Variants in ABCC1 observed in about 807,000 individuals in gnomAD.
ABCC1 encodes the protein ATP binding cassette subfamily C member 1 (ABCC1 blood group).
A neutral mutation model predicts 172.9 loss-of-function variants in ABCC1; 83 were observed. The observed-to-expected ratio is 0.48, with a 90% CI of 0.40 to 0.58. The LOEUF is 0.58. Ranked by LOEUF, ABCC1 falls within the 20% of genes least tolerant of loss-of-function variation. The pLI is 0.00. For missense variants in ABCC1, 1,817 were observed against 2,002.7 expected (o/e 0.91, Z 1.77); for synonymous variants, 937 against 825.2 (o/e 1.14, Z -2.32).
intron 16 of ABCC1, among the ~76,000 whole-genome samples, chr16:16,081,213 A>G (rs1303242830): frequency 6.6e-6 from 1 of 152,196 alleles, no homozygotes; most frequent in Non-Finnish European, 1.5e-5. Context: ...CCTTTCTTTG[A>G]TTATACAGTG....
intron 5 of ABCC1, among the ~76,000 whole-genome samples, chr16:16,026,497 A>AG (rs1334554257): frequency 5.6e-5 from 6 of 106,666 alleles, no homozygotes; most frequent in Non-Finnish European, 1.1e-4. Context: ...TTGCCAGTGA[A>AG]GGGGGGACCC....
At position 16,071,626 on chromosome 16, in the gene ABCC1, AT is replaced by A. The variant is rs1250301970; in HGVS notation, c.1825-14del. On this transcript the variant is annotated splice_polypyrimidine_tract_variant and intron_variant, in intron 13 of 30. Coordinates refer to ENST00000399410, the MANE Select transcript of ABCC1 (RefSeq NM_004996.4). ...TTTTTAAAAATAACTCTCCCCTGCCATTGCTCTCTGTACAGGCGAGTGTCTC... is the reference window on the plus strand; with the variant it reads ...TTTTTAAAAATAACTCTCCCCTGCCATGCTCTCTGTACAGGCGAGTGTCTC... The A allele has an allele frequency of 1.2e-6, 2 of 1,611,726 alleles. No homozygotes were observed. The highest frequency in any genetic ancestry group is 2.2e-5 in the South Asian group (2 of 90,768).
chr16:16,048,669 G>T (rs2049312515), intron 10 of ABCC1, among the ~76,000 whole-genome samples: 1 of 152,124 alleles, frequency 6.6e-6, no homozygotes, highest in African/African-American at 2.4e-5. Flanking sequence ...TCTCTCAATT[G>T]CAAGGGATAT....
rs755625181 is a variant in ABCC1, at chr16:16,134,358, C to T, written c.3975C>T (p.Ile1325=). 1.3e-5 allele frequency: 21 copies of T among 1,613,978 alleles called. No individual in the cohort carries two copies. Among genetic ancestry groups the T allele is most frequent in the Admixed American group, 8.3e-5 (5 of 60,000 alleles). Residue 1325 remains isoleucine, a synonymous_variant, in exon 28 of 31, where the codon ATC becomes ATT. Coordinates refer to ENST00000399410, the MANE Select transcript of ABCC1 (RefSeq NM_004996.4). ...GCCCTTCTGTCCTGCAGGTCGGCATCGTGGGGCGGACGGGAGCTGGGAAGT... is the reference window on the plus strand; with the variant it reads ...GCCCTTCTGTCCTGCAGGTCGGCATTGTGGGGCGGACGGGAGCTGGGAAGT... The part of the protein sequence containing the change: ...VTINGGEKVG[I]VGRTGAGKSS...
chr16:16,068,072 C>T (rs1195906517), intron 12 of ABCC1, 84 bp from the exon 13 acceptor site: 24 of 1,542,036 alleles, frequency 1.6e-5, no homozygotes, highest in African/African-American at 1.5e-4. Flanking sequence ...AGGGCCCAAG[C>T]GCGTCTCCAG....
In ABCC1 at chr16:16,141,326, C is replaced by T; in HGVS notation, c.*45C>T. ...TGGTCAGAACTGCAGGGCCTATATGCCAGCGCCCAGGGAGGAGTCAGTACC... is the reference window on the plus strand; with the variant it reads ...TGGTCAGAACTGCAGGGCCTATATGTCAGCGCCCAGGGAGGAGTCAGTACC... On this transcript the variant is annotated 3_prime_UTR_variant, in exon 31 of 31. Transcript: ENST00000399410. 6.4e-7 allele frequency: 1 copy of T among 1,573,568 alleles called. No individual in the cohort carries two copies. Among genetic ancestry groups the T allele is most frequent in the Non-Finnish European group, 8.7e-7 (1 of 1,145,460 alleles).
At chr16:15,986,329 A>C (rs1332715330) in intron 1 of ABCC1, among the ~76,000 whole-genome samples, 1 of 151,884 alleles carries the variant, frequency 6.6e-6, no homozygotes, top group Non-Finnish European at 1.5e-5. Context: ...CATCTAGGAC[A>C]GGGGTCCCCA....
At chr16:16,047,281 T>C (rs2049250319) in intron 9 of ABCC1, among the ~76,000 whole-genome samples, 1 of 151,952 alleles carries the variant, frequency 6.6e-6, no homozygotes, top group South Asian at 2.1e-4. Context: ...GGTGTCATTG[T>C]TTTTGTTTTT....
intron 27 of ABCC1, 85 bp downstream of exon 27, chr16:16,132,020 C>G: frequency 6.6e-7 from 1 of 1,519,048 alleles, no homozygotes; most frequent in South Asian, 1.2e-5. Context: ...TGCAGCGTCT[C>G]CCCAGTCACT....
chr16:16,061,161 G>A (rs2049892665), intron 12 of ABCC1, among the ~76,000 whole-genome samples: 1 of 152,196 alleles, frequency 6.6e-6, no homozygotes, highest in South Asian at 2.1e-4. Flanking sequence ...CTGGCCTCTA[G>A]TGGTCCACCC....
intron 5 of ABCC1, among the ~76,000 whole-genome samples, chr16:16,018,765 G>A (rs371114316): frequency 1.4e-5 from 2 of 139,638 alleles, no homozygotes; most frequent in South Asian, 4.5e-4. Context: ...ATGTGAATGT[G>A]TGCTTGTGAG....
intron 19 of ABCC1, among the ~76,000 whole-genome samples, chr16:16,096,034 A>G (rs1020498980): frequency 1.3e-5 from 2 of 152,098 alleles, no homozygotes; most frequent in African/African-American, 4.8e-5. Context: ...TGGGAGGCCA[A>G]GGTAGGCGGA....
At chr16:16,082,949 A>T (rs2050862549) in intron 16 of ABCC1, among the ~76,000 whole-genome samples, 1 of 152,220 alleles carries the variant, frequency 6.6e-6, no homozygotes, top group Non-Finnish European at 1.5e-5. Context: ...CGCCTAGTCA[A>T]GTTAGACTCT....
At chr16:16,055,628 G>C (rs929171017) in intron 11 of ABCC1, among the ~76,000 whole-genome samples, 5 of 152,068 alleles carry the variant, frequency 3.3e-5, no homozygotes, top group Admixed American at 2.0e-4. Context: ...CAGCAGAGTA[G>C]GGACTGAATC....
At position 16,056,116 on chromosome 16, in the gene ABCC1, A is replaced by T. The variant is rs529251927; in HGVS notation, c.1498A>T (p.Asn500Tyr). ...YQVAHMKSKD[N>Y]RIKLMNEILN... ...GGTGGCCCACATGAAGAGCAAAGAC[A>T]ATCGGATCAAGCTGATGAACGAAAT... The change falls in exon 12 of 31, where the codon AAT (asparagine) becomes TAT (tyrosine). Residue 500 changes from asparagine to tyrosine, a missense_variant. By Grantham distance (143) the Asn-to-Tyr change is moderately radical. Around this residue, in one of 3 missense-constraint regions of ABCC1, gnomAD observed 1,412 missense variants for 1,600.3 expected, o/e 0.88. Transcript: ENST00000399410. 3 of 1,614,182 alleles carry T rather than the reference A, an allele frequency of 1.9e-6. No homozygotes were observed. Among genetic ancestry groups the T allele is most frequent in the Non-Finnish European group, 2.5e-6 (3 of 1,180,038 alleles).
chr16:16,051,013 A>G (rs1019840502), intron 10 of ABCC1, among the ~76,000 whole-genome samples: 1 of 152,190 alleles, frequency 6.6e-6, no homozygotes, highest in Non-Finnish European at 1.5e-5. Context: ...CATTTGTTCT[A>G]GAACTGCCTT....
rs114028113 is a variant in ABCC1 at position 15,972,392 on chromosome 16, G to T, written c.48+22593G>T. 5.0e-3 allele frequency among the ~76,000 whole-genome samples: 760 copies of T among 152,284 alleles called. 6 individuals carry two copies. The highest frequency in any genetic ancestry group is 0.017 in the African/African-American group (716 of 41,550). On this transcript the variant is annotated intron_variant, in intron 1 of 30. Coordinates refer to ENST00000399410, the MANE Select transcript of ABCC1 (RefSeq NM_004996.4). Reference sequence around the variant, plus strand: ...TATTTTTTACATGTCAGGAATTCCAGTACCTCTTGGAGTTGCTGGCATTGG... The same window carrying T: ...TATTTTTTACATGTCAGGAATTCCATTACCTCTTGGAGTTGCTGGCATTGG...
At chr16:16,071,509 ATG>A (rs1326289721) in intron 13 of ABCC1, 131 bp from the exon 14 acceptor site, 18 of 661,464 alleles carry the variant, frequency 2.7e-5, no homozygotes, top group Non-Finnish European at 4.3e-5. Flanking sequence ...GTTCTAAGAA[ATG>A]TGGGACCTTC....
intron 2 of ABCC1, among the ~76,000 whole-genome samples, chr16:16,008,842 C>CA (rs1208088210): frequency 0.16 from 9,599 of 59,388 alleles, 715 homozygotes; most frequent in Non-Finnish European, 0.23. Context: ...GACTCCTTCT[C>CA]AAAAAAAAAA....
Sources: gnomAD v4.1 joint callset for allele counts (sites outside exome capture counted in the v4.1 genomes callset) on GRCh38, gnomAD v4.1.1 for gene constraint, gnomAD v4.1.1 regional missense constraint, MANE v1.5 for transcripts, NCBI Gene and HGNC (gene_info 2026-07-23, HGNC 2026-07-21) for gene names.